CARS1: variants seen among roughly 807,000 people sequenced by gnomAD.
The protein encoded by CARS1 is cysteine--tRNA ligase, cytoplasmic.
CARS1 carries 48 observed loss-of-function variants against 106.2 expected under a neutral mutation model. That is an observed-to-expected ratio of 0.45 (90% confidence interval 0.36 to 0.57). The LOEUF (loss-of-function observed/expected upper bound fraction) is 0.57. CARS1 is among the 20% of genes least tolerant of loss of function. The pLI is 0.00. For missense variants in CARS1, 968 were observed against 1,057.2 expected, an observed-to-expected ratio of 0.92 and a Z score of 1.17; for synonymous variants, 409 against 403.4, an observed-to-expected ratio of 1.01 and a Z score of -0.17.
intron 7 of CARS1, among the ~76,000 whole-genome samples, chr11:3,036,316 G>A (rs978356318): frequency 1.3e-5 from 2 of 152,160 alleles, no homozygotes; most frequent in African/African-American, 4.8e-5. Flanking sequence ...GGGAACCCCC[G>A]ACAGTCACTC....
rs1851273570 is a variant in CARS1, at chr11:3,018,600, T to C, written c.1525+20A>G. 2 of 1,613,858 alleles carry C rather than the reference T, an allele frequency of 1.2e-6. No individual in the cohort carries two copies. Among genetic ancestry groups the C allele is most frequent in the East Asian group, 4.5e-5 (2 of 44,874 alleles). On this transcript the variant is annotated intron_variant, in intron 13 of 22. Transcript: ENST00000380525. ...TATGAGAAGGTGGTTGGGGGGTCTG[T>C]GGGAGAAGCCAGTGTATACCTGAGT... is the stretch of plus-strand genomic sequence containing the variant.
intron 19 of CARS1, among the ~76,000 whole-genome samples, chr11:3,006,243 C>T (rs764782570): frequency 1.2e-4 from 19 of 152,118 alleles, no homozygotes; most frequent in Non-Finnish European, 2.4e-4. Context: ...GTCAGGAGTT[C>T]GACACTAGCC....
At chr11:3,027,038 G>T (rs1311226126) in intron 9 of CARS1, 4 of 455,538 alleles carry the variant, frequency 8.8e-6, no homozygotes, top group Admixed American at 4.0e-5. Flanking sequence ...GGCGTCCTGT[G>T]ACCCATGCAG....
At position 3,050,518 on chromosome 11, in the gene CARS1, G is replaced by C. The variant is rs1855557534; in HGVS notation, c.26-2517C>G. Among the ~76,000 whole-genome samples the C allele has an allele frequency of 6.6e-6, 1 of 152,180 alleles. No individual in the cohort carries two copies. Among genetic ancestry groups the C allele is most frequent in the South Asian group, 2.1e-4 (1 of 4,824 alleles). ...TTGTCACCTGGATTCCTGCAAGCCA[G>C]ACACCGCCACCTGTAGCCAGCATGG... On this transcript the variant is annotated intron_variant, in intron 1 of 22. Coordinates refer to ENST00000380525, the MANE Select transcript of CARS1 (RefSeq NM_001014437.3). This position sits in a 1 kb window ranked among gnomAD's most constrained non-coding sequence, Gnocchi z 6.3.
In CARS1 at chr11:3,038,525, T is replaced by TC. The variant is rs1853985069; in HGVS notation, c.652-327dup. ...AGGAAAAGTAGGCCACCCAGTGTGT[T>TC]CTGAGGTGTGCTGCAGACACATCCA... On this transcript the variant is annotated intron_variant, in intron 6 of 22. Transcript: ENST00000380525. The surrounding 1 kb of genome is among the most constrained non-coding windows in gnomAD (Gnocchi z 4.0). Among the ~76,000 whole-genome samples the TC allele has an allele frequency of 6.6e-6, 1 of 152,198 alleles. No homozygotes were observed. The highest frequency in any genetic ancestry group is 2.1e-4 in the South Asian group (1 of 4,834).
At chr11:3,014,932 C>A (rs1184428239) in intron 17 of CARS1, among the ~76,000 whole-genome samples, 1 of 152,202 alleles carries the variant, frequency 6.6e-6, no homozygotes, top group Non-Finnish European at 1.5e-5. Flanking sequence ...GTATTAAGCT[C>A]CTGTTTTAAT....
At chr11:3,047,164 C>A (rs958526640) in intron 2 of CARS1, among the ~76,000 whole-genome samples, 1 of 151,344 alleles carries the variant, frequency 6.6e-6, no homozygotes, top group Non-Finnish European at 1.5e-5. Context: ...ACAGTCCCAG[C>A]TACTCGGGAG....
Position 3,039,100 on chromosome 11 carries a change from T to A in CARS1, c.651+94A>T. 1 of 780,862 alleles carries A rather than the reference T, an allele frequency of 1.3e-6. No individual in the cohort carries two copies. 48.4% of individuals were successfully genotyped at this position (780,862 alleles called of 1,614,324 possible). ...GTAACATACACTTTGTGAAAGCCTGTGAGACTGACACTACCCTAGGGACAG... is the reference window on the plus strand; with the variant it reads ...GTAACATACACTTTGTGAAAGCCTGAGAGACTGACACTACCCTAGGGACAG... On this transcript the variant is annotated intron_variant, in intron 6 of 22. Transcript: ENST00000380525. The surrounding 1 kb of genome is among the most constrained non-coding windows in gnomAD (Gnocchi z 5.6).
At chr11:3,036,913 T>TA (rs1853715172) in intron 7 of CARS1, among the ~76,000 whole-genome samples, 1 of 148,016 alleles carries the variant, frequency 6.8e-6, no homozygotes, top group Non-Finnish European at 1.5e-5. Flanking sequence ...CTGGGCAAAA[T>TA]AAACCAGACA....
chr11:3,017,261 G>C lies in CARS1; in HGVS notation c.1762C>G (p.Leu588Val). Residue 588 changes from leucine (L) to valine (V), a missense_variant, in exon 16 of 23, where the codon CTC (leucine) becomes GTC (valine). Coordinates refer to ENST00000380525, the MANE Select transcript of CARS1 (RefSeq NM_001014437.3). The surrounding 1 kb of genome is among the most constrained non-coding windows in gnomAD (Gnocchi z 4.9). ...YDKKTAIHKA[L>V]CDNVDTRTVM... ...GTGCGGGTGTCAACATTGTCACAGA[G>C]GGCTTTGTGAATTGCTGTCTTCTTG... 3 of 1,614,092 alleles carry C rather than the reference G, an allele frequency of 1.9e-6. No individual in the cohort carries two copies. Among genetic ancestry groups the C allele is most frequent in the Non-Finnish European group, 2.5e-6 (3 of 1,179,956 alleles).
Position 3,029,181 on chromosome 11 carries a change from C to A in CARS1, c.943-97G>T. On this transcript the variant is annotated intron_variant, in intron 8 of 22. Coordinates refer to ENST00000380525, the MANE Select transcript of CARS1 (RefSeq NM_001014437.3). This position sits in a 1 kb window ranked among gnomAD's most constrained non-coding sequence, Gnocchi z 5.9. ...TTCATAAAACGAAAAGCCCATTATG[C>A]CCCTCAACTCAAGTTCAATGTTGAC... 1 of 1,418,858 alleles carries A rather than the reference C, an allele frequency of 7.0e-7. No homozygotes were observed. Among genetic ancestry groups the A allele is most frequent in the Non-Finnish European group, 9.9e-7 (1 of 1,006,886 alleles). 87.9% of individuals were successfully genotyped at this position (1,418,858 alleles called of 1,614,324 possible). A position where few individuals can be genotyped will look rare whatever the true frequency, so the allele number is the denominator to read the frequency against.
Position 3,057,410 on chromosome 11 carries a change from C to T in CARS1, c.-43G>A. 1.3e-6 allele frequency: 2 copies of T among 1,592,018 alleles called. No individual in the cohort carries two copies. Among genetic ancestry groups the T allele is most frequent in the Non-Finnish European group, 1.7e-6 (2 of 1,164,434 alleles). On this transcript the variant is annotated 5_prime_UTR_variant, in exon 1 of 23. Transcript: ENST00000380525. ...CCGCAGCTGCGGCTACAGACACTTCCTAGAATCTGATGCAACCGCCGCCCC... is the reference window on the plus strand; with the variant it reads ...CCGCAGCTGCGGCTACAGACACTTCTTAGAATCTGATGCAACCGCCGCCCC...
At chr11:3,001,331 A>T (rs1378110720) in intron 22 of CARS1, 83 bp from the exon 23 acceptor site, 1 of 1,523,258 alleles carries the variant, frequency 6.6e-7, no homozygotes, top group Admixed American at 1.7e-5. Context: ...TCCCGTCTCA[A>T]AGTGTCTATC....
At position 3,043,903 on chromosome 11, in the gene CARS1, G is replaced by A. The variant is rs181224945; in HGVS notation, c.275-1647C>T. On this transcript the variant is annotated intron_variant, in intron 2 of 22. Transcript: ENST00000380525. The surrounding 1 kb of genome is among the most constrained non-coding windows in gnomAD (Gnocchi z 4.0). ...CTCAGCAGGAGCCCCCACTCTAGGT[G>A]AGTTCCAGTGGTCACAGGTGGTCAG... 7.9e-5 allele frequency among the ~76,000 whole-genome samples: 12 copies of A among 152,306 alleles called. No homozygotes were observed. Among genetic ancestry groups the A allele is most frequent in the Admixed American group, 3.9e-4 (6 of 15,296 alleles).
chr11:3,031,417 T>A (rs557049690), intron 7 of CARS1: 9 of 152,154 alleles, frequency 5.9e-5, no homozygotes, highest in Middle Eastern at 3.4e-3. Flanking sequence ...AAGATAATGT[T>A]TCTAAAACTT....
intron 22 of CARS1, among the ~76,000 whole-genome samples, chr11:3,001,611 G>A (rs1218092687): frequency 6.6e-6 from 1 of 152,232 alleles, no homozygotes; most frequent in Non-Finnish European, 1.5e-5. Flanking sequence ...CAGTGGCTGT[G>A]AATCGCTATG....
chr11:3,015,874 T>C, intron 16 of CARS1, 25 bp from the exon 17 acceptor site: 2 of 1,600,730 alleles, frequency 1.2e-6, no homozygotes, highest in African/African-American at 1.3e-5. Context: ...AGATGGGACC[T>C]GAAGCTGCGG....
At chr11:3,016,227 T>G (rs1850983704) in intron 16 of CARS1, among the ~76,000 whole-genome samples, 1 of 151,090 alleles carries the variant, frequency 6.6e-6, no homozygotes, top group South Asian at 2.1e-4. Flanking sequence ...CTTCTCTTTT[T>G]TTTTTTTTTT....
At chr11:3,024,068 T>C (rs1334623980) in intron 10 of CARS1, among the ~76,000 whole-genome samples, 2 of 152,120 alleles carry the variant, frequency 1.3e-5, no homozygotes, top group Admixed American at 1.3e-4. Flanking sequence ...AATTTTTGTA[T>C]TTTTAGTAGA....
Sources: gnomAD v4.1 joint callset for allele counts (sites outside exome capture counted in the v4.1 genomes callset) on GRCh38, gnomAD v4.1.1 for gene constraint, Gnocchi (gnomAD v3.1) non-coding constraint, MANE v1.5 for transcripts, NCBI Gene and HGNC (gene_info 2026-07-23, HGNC 2026-07-21) for gene names.